Variants in CDKN2B-AS1 observed in about 807,000 individuals in gnomAD.
The protein encoded by CDKN2B-AS1 is CDKN2B antisense RNA 1 (non-protein coding).
intron 1 of CDKN2B-AS1, among the ~76,000 whole-genome samples, chr9:22,013,053 A>T (rs1016498441): frequency 1.3e-5 from 2 of 152,220 alleles, no homozygotes; most frequent in Non-Finnish European, 2.9e-5. Flanking sequence ...TGACTTGCAC[A>T]TGGCCATCCT....
rs939687289 is a variant in CDKN2B-AS1, at chr9:22,111,856, C to A, written n.439-15247C>A. On this transcript the variant is annotated intron_variant and non_coding_transcript_variant, in intron 4 of 4. Transcript: ENST00000650946. ...AAAAATTTTAAAGTGTTTGTATGAACAAACCATTTTGGAAGGAGTGTTTGG... is the reference window on the plus strand; with the variant it reads ...AAAAATTTTAAAGTGTTTGTATGAAAAAACCATTTTGGAAGGAGTGTTTGG... Among the ~76,000 whole-genome samples, 11 of 152,088 alleles carry A rather than the reference C, an allele frequency of 7.2e-5. 1 individual carries two copies. Among genetic ancestry groups the A allele is most frequent in the Admixed American group, 7.2e-4 (11 of 15,258 alleles).
At chr9:22,119,228 A>G (rs934175562) in intron 4 of CDKN2B-AS1, 6 of 152,142 alleles carry the variant, frequency 3.9e-5, no homozygotes, top group Admixed American at 6.6e-5. Context: ...TTAAGATGAC[A>G]TGAAGATAAC....
chr9:22,101,268 T>TTTA (rs202154206), intron 4 of CDKN2B-AS1, among the ~76,000 whole-genome samples: 7,273 of 152,270 alleles, frequency 0.048, 186 homozygotes, highest in Non-Finnish European at 0.056. Context: ...AATCTGTGTA[T>TTTA]TACTTTCAAT....
rs1163562936 is a variant in CDKN2B-AS1, at chr9:22,001,263, G to C, written n.29+6102G>C. 6.6e-6 allele frequency among the ~76,000 whole-genome samples: 1 copy of C among 152,118 alleles called. No homozygotes were observed. Among genetic ancestry groups the C allele is most frequent in the Non-Finnish European group, 1.5e-5 (1 of 67,990 alleles). ...GTAATTGGTCTTAAAGTTTTGAGTG[G>C]AACTCTGTTGTAAAATATTTTCTGT... On this transcript the variant is annotated intron_variant and non_coding_transcript_variant, in intron 1 of 4. Transcript: ENST00000650946. This position sits in a 1 kb window ranked among gnomAD's most constrained non-coding sequence, Gnocchi z 4.2.
intron 1 of CDKN2B-AS1, among the ~76,000 whole-genome samples, chr9:22,024,164 G>A (rs1000713336): frequency 6.6e-6 from 1 of 152,106 alleles, no homozygotes; most frequent in African/African-American, 2.4e-5. Flanking sequence ...GTGTTATAAG[G>A]TCAATTCAAC....
At chr9:22,008,982 G>T in intron 1 of CDKN2B-AS1, 1 of 1,613,264 alleles carries the variant, frequency 6.2e-7, no homozygotes. Flanking sequence ...GCAGCGGCCC[G>T]GATAATCCAC....
At chr9:22,032,176 A>T (rs1468032057) in intron 1 of CDKN2B-AS1, among the ~76,000 whole-genome samples, 1 of 152,118 alleles carries the variant, frequency 6.6e-6, no homozygotes. Flanking sequence ...GTCATTTGTG[A>T]TTCAGCTATA....
chr9:22,099,353 A>G (rs539879385), intron 4 of CDKN2B-AS1, among the ~76,000 whole-genome samples: 2 of 152,294 alleles, frequency 1.3e-5, no homozygotes, highest in South Asian at 2.1e-4. Flanking sequence ...TAAGTAGAGG[A>G]ATAAAAAGAT....
At chr9:22,067,008 G>A (rs886593417) in intron 4 of CDKN2B-AS1, among the ~76,000 whole-genome samples, 3 of 152,092 alleles carry the variant, frequency 2.0e-5, no homozygotes, top group African/African-American at 7.2e-5. Context: ...GGTGGGAGTT[G>A]AACAATGAGA....
chr9:22,047,781 T>A (rs187295822), intron 2 of CDKN2B-AS1, among the ~76,000 whole-genome samples: 5 of 151,932 alleles, frequency 3.3e-5, no homozygotes, highest in Non-Finnish European at 7.4e-5. Context: ...TGAGAAAACT[T>A]TTTTTTTCTT....
At chr9:22,098,468 C>T (rs150753356) in intron 4 of CDKN2B-AS1, among the ~76,000 whole-genome samples, 1 of 150,754 alleles carries the variant, frequency 6.6e-6, no homozygotes, top group East Asian at 1.9e-4. Context: ...CGATATGTAT[C>T]ACCTTTATAA....
intron 1 of CDKN2B-AS1, among the ~76,000 whole-genome samples, chr9:22,027,922 T>C (rs572116050): frequency 8.7e-4 from 133 of 152,322 alleles, no homozygotes; most frequent in Middle Eastern, 6.8e-3. Context: ...AAAGAGGCTA[T>C]GTTTTATTGA....
intron 4 of CDKN2B-AS1, among the ~76,000 whole-genome samples, chr9:22,103,741 C>T (rs1369136365): frequency 6.6e-6 from 1 of 152,170 alleles, no homozygotes; most frequent in Non-Finnish European, 1.5e-5. Context: ...AGCCAACCCC[C>T]TGTATTGTAC....
chr9:22,086,485 C>T (rs1257367584), intron 4 of CDKN2B-AS1, among the ~76,000 whole-genome samples: 1 of 152,104 alleles, frequency 6.6e-6, no homozygotes, highest in African/African-American at 2.4e-5. Context: ...GATGAAGATG[C>T]CCCTCACTTA....
intron 4 of CDKN2B-AS1, among the ~76,000 whole-genome samples, chr9:22,073,101 C>A (rs1245228787): frequency 6.6e-6 from 1 of 151,958 alleles, no homozygotes; most frequent in Non-Finnish European, 1.5e-5. Context: ...ATATTATTTT[C>A]TCTTATTAAT....
At chr9:22,015,726 G>C (rs769594253) in intron 1 of CDKN2B-AS1, among the ~76,000 whole-genome samples, 1 of 152,096 alleles carries the variant, frequency 6.6e-6, no homozygotes, top group Admixed American at 6.5e-5. Flanking sequence ...CCATGCTGGT[G>C]CGCTGCACCG....
chr9:22,098,044 A>T (rs1825344305), intron 4 of CDKN2B-AS1, among the ~76,000 whole-genome samples: 1 of 152,150 alleles, frequency 6.6e-6, no homozygotes, highest in South Asian at 2.1e-4. Context: ...GATTAGAATC[A>T]TTCTGGGCAA....
At chr9:22,125,354 C>T (rs911427148) in intron 4 of CDKN2B-AS1, among the ~76,000 whole-genome samples, 3 of 152,138 alleles carry the variant, frequency 2.0e-5, no homozygotes, top group African/African-American at 7.2e-5. Flanking sequence ...GTTTAAATGT[C>T]GAATTATTGA....
At chr9:22,085,971 C>T (rs1009140513) in intron 4 of CDKN2B-AS1, among the ~76,000 whole-genome samples, 1 of 151,984 alleles carries the variant, frequency 6.6e-6, no homozygotes, top group Middle Eastern at 3.4e-3. Flanking sequence ...AACACAAACC[C>T]TCGAGAGGCA....
Sources: allele counts gnomAD v4.1 joint callset (sites outside exome capture counted in the v4.1 genomes callset), GRCh38; gene constraint gnomAD v4.1.1; non-coding constraint Gnocchi (gnomAD v3.1); transcripts MANE v1.5; gene names NCBI Gene and HGNC (gene_info 2026-07-23, HGNC 2026-07-21).